The following WSCD2 variants were observed in gnomAD, a reference collection of about 807,000 sequenced individuals.
WSCD2 encodes the protein sialate:O-sulfotransferase 2.
A neutral mutation model predicts 55.7 loss-of-function variants in WSCD2; 28 were observed. The ratio of observed to expected loss-of-function variants is 0.50; its 90% CI spans 0.37 to 0.69. WSCD2 has a LOEUF of 0.69. WSCD2 is among the 30% of genes least tolerant of loss of function. WSCD2 has a pLI of 0.00. For missense variants in WSCD2, 616 were observed against 762.1 expected (o/e 0.81, Z 2.26); for synonymous variants, 301 against 301.9 (o/e 1.00, Z 0.03).
Position 108,227,131 on chromosome 12 carries a change from A to C in WSCD2, c.946A>C (p.Ser316Arg). The change falls in exon 6 of 9, where the codon AGT (serine) becomes CGT (arginine). Residue 316 changes from serine to arginine, a missense_variant. Coordinates refer to ENST00000547525, the MANE Select transcript of WSCD2 (RefSeq NM_014653.4). ...AEEFESCGTP[S>R]YFIVYQTQVQ... ...GGAGTTTGAGAGCTGCGGGACTCCT[A>C]GTTACTTCATTGTGTACCAGACACA... The C allele has an allele frequency of 6.2e-7, 1 of 1,614,138 alleles. No individual in the cohort carries two copies. The highest frequency in any genetic ancestry group is 1.3e-5 in the African/African-American group (1 of 75,050).
chr12:108,132,556 G>A (rs957029537), intron 1 of WSCD2, among the ~76,000 whole-genome samples: 4 of 152,322 alleles, frequency 2.6e-5, no homozygotes, highest in South Asian at 2.1e-4. Context: ...GAGAATTGGT[G>A]CATTTGTGAA....
intron 1 of WSCD2, among the ~76,000 whole-genome samples, chr12:108,170,866 C>T (rs1030347002): frequency 1.3e-5 from 2 of 152,148 alleles, no homozygotes; most frequent in Non-Finnish European, 2.9e-5. Flanking sequence ...AGATTTCAGT[C>T]CTGTGGGCTT....
intron 1 of WSCD2, among the ~76,000 whole-genome samples, chr12:108,190,950 T>C (rs1167630903): frequency 2.0e-5 from 3 of 152,218 alleles, no homozygotes; most frequent in East Asian, 1.9e-4. Context: ...GGGCATTCTA[T>C]GGTTGACTTA....
At chr12:108,218,930 C>CTCTCTTCT (rs1887156633) in intron 4 of WSCD2, among the ~76,000 whole-genome samples, 1 of 152,184 alleles carries the variant, frequency 6.6e-6, no homozygotes, top group Non-Finnish European at 1.5e-5. Context: ...TCAAGTTACT[C>CTCTCTTCT]TCTCTTCTTA....
intron 1 of WSCD2, among the ~76,000 whole-genome samples, chr12:108,164,601 G>T (rs1194825312): frequency 6.6e-6 from 1 of 152,172 alleles, no homozygotes. Flanking sequence ...TACAAATCTT[G>T]TGGGAGATTT....
At chr12:108,236,265 G>A (rs1416851783) in intron 7 of WSCD2, among the ~76,000 whole-genome samples, 4 of 152,166 alleles carry the variant, frequency 2.6e-5, no homozygotes, top group Non-Finnish European at 5.9e-5. Flanking sequence ...TATCAGATGG[G>A]TGGTCTCCCA....
rs1051753439 is a variant in WSCD2 at position 108,224,643 on chromosome 12, C to T, written c.683-96C>T. The T allele has an allele frequency of 1.5e-5, 22 of 1,501,398 alleles. No homozygotes were observed. In the African/African-American group the frequency reaches 1.7e-4, roughly 11 times the overall value. The allele number at this position is 1,501,398 out of a possible 1,614,324, so 93.0% of individuals were successfully genotyped here. A position where few individuals can be genotyped will look rare whatever the true frequency, so the allele number is the denominator to read the frequency against. On this transcript the variant is annotated intron_variant, in intron 4 of 8. Coordinates refer to ENST00000547525, the MANE Select transcript of WSCD2 (RefSeq NM_014653.4). ...GCTTGCTCTGTGACCTTGGGCAAGA[C>T]TCTTGCCTTCTCTGAGCTTTCTTCA...
intron 1 of WSCD2, among the ~76,000 whole-genome samples, chr12:108,132,208 A>G (rs1337022999): frequency 6.6e-6 from 1 of 152,156 alleles, no homozygotes; most frequent in African/African-American, 2.4e-5. Context: ...GGGAAGGCAG[A>G]CCCCATCCCA....
chr12:108,157,902 G>A (rs887943922), intron 1 of WSCD2, among the ~76,000 whole-genome samples: 1 of 152,176 alleles, frequency 6.6e-6, no homozygotes, highest in Non-Finnish European at 1.5e-5. Flanking sequence ...ATGAGAAAGA[G>A]AGAAAAATTT....
chr12:108,222,719 C>T (rs977788235), intron 4 of WSCD2, among the ~76,000 whole-genome samples: 6 of 152,136 alleles, frequency 3.9e-5, no homozygotes. Context: ...GTCTTCAACG[C>T]CTGGCCTCAA....
intron 1 of WSCD2, among the ~76,000 whole-genome samples, chr12:108,192,234 A>C (rs1883267977): frequency 6.6e-6 from 1 of 152,168 alleles, no homozygotes; most frequent in South Asian, 2.1e-4. Flanking sequence ...TACAATGTTT[A>C]ATTCAGTCCT....
At chr12:108,151,983 G>A (rs542740624) in intron 1 of WSCD2, among the ~76,000 whole-genome samples, 2 of 152,314 alleles carry the variant, frequency 1.3e-5, no homozygotes, top group African/African-American at 2.4e-5. Flanking sequence ...TGCGATAGGA[G>A]GGCCATCGAT....
intron 1 of WSCD2, among the ~76,000 whole-genome samples, chr12:108,138,337 A>G (rs145328045): frequency 6.6e-6 from 1 of 152,316 alleles, no homozygotes; most frequent in East Asian, 1.9e-4. Context: ...CTGGGTAAAA[A>G]GATGCCCCAT....
chr12:108,136,405 T>C (rs1473355000), intron 1 of WSCD2, among the ~76,000 whole-genome samples: 1 of 150,450 alleles, frequency 6.6e-6, no homozygotes, highest in African/African-American at 2.4e-5. Context: ...TTTTTATGGT[T>C]CCATTTTCTT....
chr12:108,241,752 A>T (rs1410260439), intron 8 of WSCD2, among the ~76,000 whole-genome samples: 1 of 152,232 alleles, frequency 6.6e-6, no homozygotes, highest in East Asian at 1.9e-4. Context: ...AGACTAAAGG[A>T]AACTTCCAGA....
intron 1 of WSCD2, among the ~76,000 whole-genome samples, chr12:108,163,899 A>G (rs919850558): frequency 5.9e-5 from 9 of 152,296 alleles, no homozygotes; most frequent in Middle Eastern, 3.4e-3. Flanking sequence ...CTGCAGCCAC[A>G]GGAAACTAAT....
intron 2 of WSCD2, among the ~76,000 whole-genome samples, chr12:108,203,976 AG>A (rs1055014224): frequency 1.3e-5 from 2 of 152,240 alleles, no homozygotes; most frequent in African/African-American, 4.8e-5. Flanking sequence ...CATTTTGAAA[AG>A]AGGAAAAGCG....
chr12:108,218,897 G>A (rs933779833), intron 4 of WSCD2, among the ~76,000 whole-genome samples: 2 of 152,318 alleles, frequency 1.3e-5, no homozygotes, highest in South Asian at 4.1e-4. Flanking sequence ...CCTGGGCTGG[G>A]CTCCATCAGA....
intron 2 of WSCD2, among the ~76,000 whole-genome samples, chr12:108,204,652 C>T (rs116490473): frequency 6.6e-6 from 1 of 152,330 alleles, no homozygotes; most frequent in African/African-American, 2.4e-5. Flanking sequence ...GTCTGGTGTG[C>T]CTGCTCCAGG....
Sources: allele counts gnomAD v4.1 joint callset (sites outside exome capture counted in the v4.1 genomes callset), GRCh38; gene constraint gnomAD v4.1.1; transcripts MANE v1.5; gene names NCBI Gene and HGNC (gene_info 2026-07-23, HGNC 2026-07-21).